Variants in UTS2 observed in about 807,000 individuals in gnomAD.
UTS2 encodes urotensin-2.
A neutral mutation model predicts 12.6 loss-of-function variants in UTS2; 10 were observed. The observed-to-expected ratio is 0.80, with a 90% confidence interval of 0.49 to 1.35. UTS2 has a LOEUF of 1.35. Ranked by LOEUF, UTS2 falls within the 40% of genes most tolerant of loss-of-function variation. The probability of loss-of-function intolerance (pLI) is 0.00; values close to 1 mark genes in which losing one functional copy is unlikely to be tolerated. For synonymous variants in UTS2, 52 were observed against 50.0 expected (o/e 1.04, Z -0.17); for missense variants, 142 against 143.2 (o/e 0.99, Z 0.04).
chr1:7,870,482 G>A, the UTS2 span, among the ~76,000 whole-genome samples: 2 of 152,204 alleles, frequency 1.3e-5, no homozygotes, highest in Admixed American at 6.5e-5. Context: ...AGCAAACTAA[G>A]ACAGTATCCT....
the UTS2 span, among the ~76,000 whole-genome samples, chr1:7,863,963 C>G: frequency 6.6e-6 from 1 of 151,988 alleles, no homozygotes. Context: ...CCTCATCCCC[C>G]GGGGGGGTCT....
chr1:7,866,930 C>T, the UTS2 span, among the ~76,000 whole-genome samples: 3,105 of 111,674 alleles, frequency 0.028, 90 homozygotes, highest in African/African-American at 0.076. The surrounding 1 kb of genome is among the most constrained non-coding windows in gnomAD (Gnocchi z 4.5). Flanking sequence ...AGAACAGTGG[C>T]GCCACCTTGG....
chr1:7,867,708 T>C, the UTS2 span, among the ~76,000 whole-genome samples: 1 of 152,082 alleles, frequency 6.6e-6, no homozygotes, highest in Non-Finnish European at 1.5e-5. Context: ...AAACTCTGTC[T>C]CTACTAAAAA....
chr1:7,902,323 T>C, the UTS2 span, among the ~76,000 whole-genome samples: 2 of 152,094 alleles, frequency 1.3e-5, no homozygotes, highest in Admixed American at 6.5e-5. Flanking sequence ...ATTGCCTGTC[T>C]CCTCAACAGG....
the UTS2 span, among the ~76,000 whole-genome samples, chr1:7,862,082 C>G: frequency 6.6e-6 from 1 of 151,730 alleles, no homozygotes; most frequent in African/African-American, 2.4e-5. Context: ...CCGGCTAATT[C>G]TTGTATTTTT....
chr1:7,908,730 G>A, the UTS2 span, among the ~76,000 whole-genome samples: 1 of 152,038 alleles, frequency 6.6e-6, no homozygotes, highest in East Asian at 1.9e-4. Context: ...GGAAAAAGAG[G>A]TTTAATGGAC....
Position 7,847,787 on chromosome 1 carries a change from G to GCAAT in UTS2, c.350_353dup (p.Cys118Ter). The GCAAT allele has an allele frequency of 6.2e-7, 1 of 1,613,166 alleles. No homozygotes were observed. Among genetic ancestry groups the GCAAT allele is most frequent in the Non-Finnish European group, 8.5e-7 (1 of 1,179,394 alleles). The stretch of plus-strand genomic sequence containing the variant: ...CACTTCAGACACAGTATTTCCAGAA[G>GCAAT]CAATCAGGAGTCTCACGTTTCTTGT... On this transcript the variant is annotated stop_gained and frameshift_variant, in exon 4 of 4. Coordinates refer to ENST00000361696, the MANE Select transcript of UTS2 (RefSeq NM_006786.4). LOFTEE classifies it high-confidence loss of function.
At chr1:7,854,525 A>G (rs111329949), upstream of UTS2, among the ~76,000 whole-genome samples, 105 of 9,208 alleles carry the variant, frequency 0.011, 3 homozygotes, top group African/African-American at 0.096. Context: ...AAAAAAAAAA[A>G]AAAGAAGAAA....
At chr1:7,863,854 G>A in the UTS2 span, among the ~76,000 whole-genome samples, 1 of 152,208 alleles carries the variant, frequency 6.6e-6, no homozygotes, top group Non-Finnish European at 1.5e-5. Flanking sequence ...GGTTGCTGTG[G>A]CCCAGGGTCA....
the UTS2 span, among the ~76,000 whole-genome samples, chr1:7,887,592 C>CAAAAAAAAAAAAAAAAAAAAAAAAA: frequency 1.6e-5 from 1 of 62,426 alleles, no homozygotes; most frequent in Non-Finnish European, 3.0e-5. Flanking sequence ...CCAGTCTCTA[C>CAAAAAAAAAAAAAAAAAAAAAAAAA]AAAAAAAAAA....
the UTS2 span, among the ~76,000 whole-genome samples, chr1:7,869,433 G>A: frequency 1.3e-5 from 2 of 152,258 alleles, no homozygotes; most frequent in South Asian, 2.1e-4. Context: ...GGGTGAGCAC[G>A]TGGGGAAAGG....
intron 1 of UTS2, among the ~76,000 whole-genome samples, chr1:7,852,152 G>GT (rs3835494): frequency 0.062 from 9,321 of 151,202 alleles, 871 homozygotes; most frequent in East Asian, 0.38. Context: ...GGGTTTGTTT[G>GT]TTTTTTTTCT....
At chr1:7,853,391 G>C, upstream of UTS2, 2 of 1,614,158 alleles carry the variant, frequency 1.2e-6, no homozygotes, top group South Asian at 2.2e-5. Context: ...AGTCCGAGCA[G>C]AAGTGACGCA....
the UTS2 span, among the ~76,000 whole-genome samples, chr1:7,876,911 T>C: frequency 2.0e-5 from 3 of 151,702 alleles, no homozygotes; most frequent in East Asian, 3.9e-4. Flanking sequence ...GCAGGTGGAT[T>C]GCGAGGTCAG....
At chr1:7,905,918 G>C in the UTS2 span, among the ~76,000 whole-genome samples, 1 of 151,770 alleles carries the variant, frequency 6.6e-6, no homozygotes, top group Non-Finnish European at 1.5e-5. Context: ...GTCTTGCCGG[G>C]TGAGGGGTGT....
At chr1:7,850,508 G>A (rs1421513232) in intron 2 of UTS2, among the ~76,000 whole-genome samples, 2 of 152,092 alleles carry the variant, frequency 1.3e-5, no homozygotes, top group Non-Finnish European at 2.9e-5. Flanking sequence ...CAGTAAACGG[G>A]AAACTAGGAT....
chr1:7,894,449 C>T, the UTS2 span, among the ~76,000 whole-genome samples: 1 of 152,060 alleles, frequency 6.6e-6, no homozygotes, highest in Non-Finnish European at 1.5e-5. Context: ...GCTGGAATTA[C>T]AAGCATGAAC....
the UTS2 span, among the ~76,000 whole-genome samples, chr1:7,888,468 G>A: frequency 7.2e-5 from 11 of 152,062 alleles, no homozygotes; most frequent in African/African-American, 2.7e-4. Flanking sequence ...CACTAATAAG[G>A]TCAGTAGTAT....
chr1:7,859,680 C>G, the UTS2 span, among the ~76,000 whole-genome samples: 18 of 152,140 alleles, frequency 1.2e-4, no homozygotes, highest in Non-Finnish European at 1.9e-4. Context: ...GTGACCATAT[C>G]GAGGAATTCG....
Sources: gnomAD v4.1 joint callset for allele counts (sites outside exome capture counted in the v4.1 genomes callset) on GRCh38, gnomAD v4.1.1 for gene constraint, Gnocchi (gnomAD v3.1) non-coding constraint, MANE v1.5 for transcripts, NCBI Gene and HGNC (gene_info 2026-07-23, HGNC 2026-07-21) for gene names.